AR: variants seen among roughly 807,000 people sequenced by gnomAD.
AR encodes the protein androgen receptor, also known as dihydrotestosterone receptor.
AR carries 8 observed loss-of-function variants against 53.9 expected under a neutral mutation model. That is an observed-to-expected ratio of 0.15 (90% CI 0.09 to 0.27). The LOEUF is 0.27. Among genes scored for constraint, AR ranks in the 10% least tolerant of loss-of-function variants. The pLI is 1.00. For synonymous variants in AR, 359 were observed against 316.4 expected, an observed-to-expected ratio of 1.13 and a Z score of -1.43; for missense variants, 639 against 742.5, an observed-to-expected ratio of 0.86 and a Z score of 1.62.
intron 3 of AR, among the ~76,000 whole-genome samples, chrX:67,688,428 C>G (rs1262154708): frequency 9.0e-6 from 1 of 111,466 alleles, no homozygotes; most frequent in African/African-American, 3.3e-5. Context: ...TGATAAATAG[C>G]AAAATGCTAG....
At chrX:67,723,023 G>T in intron 7 of AR, 39 bp downstream of exon 7, 5 of 1,191,880 alleles carry the variant, frequency 4.2e-6, no homozygotes, top group Non-Finnish European at 5.7e-6. Flanking sequence ...AGGGAGAACA[G>T]CCTGATAGAG....
chrX:67,547,997 A>G (rs1929836179), intron 1 of AR, among the ~76,000 whole-genome samples: 1 of 112,330 alleles, frequency 8.9e-6, no homozygotes, highest in African/African-American at 3.2e-5. Context: ...GAGGGAGGAC[A>G]GACTGAATTG....
In AR at chrX:67,589,258, A is replaced by G. The variant is rs1428818934; in HGVS notation, c.1616+42496A>G. Among the ~76,000 whole-genome samples the G allele has an allele frequency of 3.9e-5, 4 of 103,471 alleles. No homozygotes were observed. In the East Asian group the frequency reaches 1.3e-3, roughly 32 times the overall value. The allele number at this position is 103,471 out of a possible 115,157, so 89.9% of individuals were successfully genotyped here. ...GCAGTCCGGCCTGGGCGACAGAGCG[A>G]GACTCCGTCTCAAAAAAAAAAAAAA... On this transcript the variant is annotated intron_variant, in intron 1 of 7. Coordinates refer to ENST00000374690, the MANE Select transcript of AR (RefSeq NM_000044.6).
chrX:67,576,343 C>T (rs769158461), intron 1 of AR, among the ~76,000 whole-genome samples: 15 of 110,158 alleles, frequency 1.4e-4, no homozygotes, highest in Non-Finnish European at 1.1e-4. Context: ...AACTAGAATT[C>T]GTTCGCTGTT....
At chrX:67,691,664 C>A (rs1415274153) in intron 3 of AR, among the ~76,000 whole-genome samples, 1 of 111,810 alleles carries the variant, frequency 8.9e-6, no homozygotes, top group South Asian at 3.7e-4. Context: ...ATACCTATAC[C>A]TCTAGCTCAG....
intron 1 of AR, among the ~76,000 whole-genome samples, chrX:67,571,562 A>G (rs1921813919): frequency 8.9e-6 from 1 of 111,788 alleles, no homozygotes; most frequent in African/African-American, 3.3e-5. Flanking sequence ...TTAATACAGT[A>G]CTGTGCTAAG....
intron 2 of AR, among the ~76,000 whole-genome samples, chrX:67,653,789 G>A (rs1419117763): frequency 9.0e-6 from 1 of 111,134 alleles, no homozygotes; most frequent in African/African-American, 3.3e-5. Context: ...TGGCTCTGCT[G>A]CTGACTTACC....
chrX:67,688,203 G>T (rs141768880), intron 3 of AR, among the ~76,000 whole-genome samples: 148 of 111,332 alleles, frequency 1.3e-3, no homozygotes, highest in African/African-American at 4.5e-3. Flanking sequence ...AGAGCTTGAG[G>T]CTGGCAAACT....
At chrX:67,614,859 C>A (rs1412418859) in intron 1 of AR, among the ~76,000 whole-genome samples, 1 of 110,221 alleles carries the variant, frequency 9.1e-6, no homozygotes, top group Non-Finnish European at 1.9e-5. Context: ...ATAACAATTT[C>A]TTGTCAAGTA....
At chrX:67,612,086 C>T (rs1479886617) in intron 1 of AR, among the ~76,000 whole-genome samples, 1 of 112,022 alleles carries the variant, frequency 8.9e-6, no homozygotes, top group African/African-American at 3.2e-5. Flanking sequence ...ACCAAAGGAG[C>T]ATATTCATTT....
At position 67,545,267 on chromosome X, in the gene AR, C is replaced by T. The variant is rs1229716168; in HGVS notation, c.121C>T (p.His41Tyr). Residue 41 changes from histidine (H) to tyrosine (Y), a missense_variant, in exon 1 of 8, where the codon CAC (histidine) becomes TAC (tyrosine). Coordinates refer to ENST00000374690, the MANE Select transcript of AR (RefSeq NM_000044.6). Reference sequence around the variant, plus strand: ...AGTGATCCAGAACCCGGGCCCCAGGCACCCAGAGGCCGCGAGCGCAGCACC... The same window carrying T: ...AGTGATCCAGAACCCGGGCCCCAGGTACCCAGAGGCCGCGAGCGCAGCACC... ...REVIQNPGPR[H>Y]PEAASAAPPG... is the part of the protein sequence containing the mutation. 2 of 1,209,094 alleles carry T rather than the reference C, an allele frequency of 1.7e-6. No homozygotes were observed. Among genetic ancestry groups the T allele is most frequent in the Non-Finnish European group, 2.2e-6 (2 of 894,820 alleles).
chrX:67,713,123 G>A (rs781382006), intron 4 of AR, among the ~76,000 whole-genome samples: 22 of 111,882 alleles, frequency 2.0e-4, no homozygotes, highest in Non-Finnish European at 3.2e-4. Context: ...TTTACAGTGA[G>A]GGGCCAAGGC....
At chrX:67,660,566 G>A (rs1302932160) in intron 2 of AR, among the ~76,000 whole-genome samples, 3 of 111,264 alleles carry the variant, frequency 2.7e-5, no homozygotes, top group Non-Finnish European at 3.8e-5. Context: ...CTGTTCCATT[G>A]GTCTATATCT....
chrX:67,632,751 A>C (rs780663676), intron 1 of AR, among the ~76,000 whole-genome samples: 1 of 112,645 alleles, frequency 8.9e-6, no homozygotes, highest in Admixed American at 9.4e-5. Flanking sequence ...TCTCACCCAC[A>C]GAATGAGAGA....
chrX:67,637,908 G>A (rs1309101718), intron 1 of AR, among the ~76,000 whole-genome samples: 2 of 110,426 alleles, frequency 1.8e-5, no homozygotes, highest in Admixed American at 9.7e-5. Context: ...CACATGCCAG[G>A]GTGTTTGGCT....
intron 2 of AR, among the ~76,000 whole-genome samples, chrX:67,648,394 A>G (rs1926155332): frequency 9.0e-6 from 1 of 111,503 alleles, no homozygotes; most frequent in Non-Finnish European, 1.9e-5. Context: ...TCCAGATGGT[A>G]AAAAGGAAGG....
intron 2 of AR, among the ~76,000 whole-genome samples, chrX:67,643,747 G>A (rs1925914499): frequency 1.8e-5 from 2 of 111,886 alleles, no homozygotes; most frequent in African/African-American, 3.3e-5. Context: ...GGAAAAATTT[G>A]TCCTTATTAG....
At chrX:67,634,181 C>T (rs2147420426) in intron 1 of AR, among the ~76,000 whole-genome samples, 1 of 111,493 alleles carries the variant, frequency 9.0e-6, no homozygotes, top group African/African-American at 3.3e-5. Flanking sequence ...CTGGTTTTGT[C>T]ACTACTAGTG....
chrX:67,702,964 G>T (rs1374702822), intron 3 of AR, among the ~76,000 whole-genome samples: 1 of 111,399 alleles, frequency 9.0e-6, no homozygotes, highest in South Asian at 3.8e-4. Context: ...TCTGGTCCCA[G>T]CTACTTGGGA....
Sources: gnomAD v4.1 joint callset for allele counts (sites outside exome capture counted in the v4.1 genomes callset) on GRCh38, gnomAD v4.1.1 for gene constraint, MANE v1.5 for transcripts, NCBI Gene and HGNC (gene_info 2026-07-23, HGNC 2026-07-21) for gene names.